The following BTAF1 variants were observed in gnomAD, a reference collection of about 807,000 sequenced individuals.
The protein encoded by BTAF1 is B-TFIID TATA-box binding protein associated factor 1.
In BTAF1, 38 loss-of-function variants were observed where a neutral mutation model predicts 227.1. The ratio of observed to expected loss-of-function variants is 0.17; its 90% CI spans 0.13 to 0.22. The LOEUF is 0.22. BTAF1 is among the 10% of genes least tolerant of loss of function. The probability of loss-of-function intolerance (pLI) is 1.00; values close to 1 mark genes in which losing one functional copy is unlikely to be tolerated. For synonymous variants in BTAF1, 742 were observed against 751.9 expected (o/e 0.99, Z 0.21); for missense variants, 1,598 against 2,204.0 (o/e 0.73, Z 5.51).
At chr10:91,989,106 T>C in intron 19 of BTAF1, 48 bp from the exon 20 acceptor site, 1 of 1,478,376 alleles carries the variant, frequency 6.8e-7, no homozygotes, top group Non-Finnish European at 9.1e-7. Context: ...TACAGTCTAT[T>C]TGGGGTTGAT....
At position 91,950,153 on chromosome 10, in the gene BTAF1, G is replaced by C. The variant is rs796167824; in HGVS notation, c.401-1250G>C. Among the ~76,000 whole-genome samples the C allele has an allele frequency of 4.2e-3, 375 of 90,098 alleles. 10 individuals carry two copies. The highest frequency in any genetic ancestry group is 0.013 in the African/African-American group (346 of 26,888). 59.1% of individuals were successfully genotyped at this position (90,098 alleles called of 152,430 possible). Reference sequence around the variant, plus strand: ...GTGAGAGACCTTGTCCTTTGTGGGGGGGGGCGGGAAAGAAGACTAGGTTTT... The same window carrying C: ...GTGAGAGACCTTGTCCTTTGTGGGGCGGGGCGGGAAAGAAGACTAGGTTTT... On this transcript the variant is annotated intron_variant, in intron 4 of 37. Transcript: ENST00000265990.
chr10:91,952,735 AAG>A (rs749553308), intron 5 of BTAF1, among the ~76,000 whole-genome samples: 3 of 152,168 alleles, frequency 2.0e-5, no homozygotes, highest in Admixed American at 6.5e-5. Context: ...GGAGAGAAAA[AAG>A]AGAGAGTATG....
chr10:92,005,753 A>G (rs1404696363), intron 25 of BTAF1, among the ~76,000 whole-genome samples: 1 of 151,988 alleles, frequency 6.6e-6, no homozygotes, highest in Non-Finnish European at 1.5e-5. Flanking sequence ...CTACATGTTA[A>G]CATAATTAAC....
intron 35 of BTAF1, among the ~76,000 whole-genome samples, chr10:92,025,454 T>A (rs1272934837): frequency 6.7e-6 from 1 of 149,942 alleles, no homozygotes; most frequent in East Asian, 1.9e-4. Context: ...AAAAAAAAAA[T>A]GCAGATTCCT....
At chr10:91,970,555 C>T (rs991452089) in intron 14 of BTAF1, among the ~76,000 whole-genome samples, 4 of 152,138 alleles carry the variant, frequency 2.6e-5, no homozygotes, top group African/African-American at 7.2e-5. Flanking sequence ...AAGAATTATT[C>T]GCTGTCATGA....
chr10:92,010,974 TG>T, intron 28 of BTAF1, 98 bp from the exon 29 acceptor site: 1 of 845,874 alleles, frequency 1.2e-6, no homozygotes, highest in Non-Finnish European at 2.0e-6. Flanking sequence ...AAGGGAATGC[TG>T]GGCTTAGTGG....
chr10:91,968,952 G>T (rs1193142634), intron 14 of BTAF1, among the ~76,000 whole-genome samples: 2 of 151,336 alleles, frequency 1.3e-5, no homozygotes, highest in Non-Finnish European at 2.9e-5. Context: ...TCCTGAACTC[G>T]TGGGCTCAAG....
At chr10:92,001,978 ATATATAT>A in intron 25 of BTAF1, among the ~76,000 whole-genome samples, 1 of 66,312 alleles carries the variant, frequency 1.5e-5, no homozygotes, top group Non-Finnish European at 4.5e-5. Flanking sequence ...CCATATATAT[ATATATAT>A]ACACACACAC....
At chr10:91,999,876 C>T (rs1406383656) in intron 25 of BTAF1, among the ~76,000 whole-genome samples, 1 of 151,850 alleles carries the variant, frequency 6.6e-6, no homozygotes, top group East Asian at 1.9e-4. Flanking sequence ...GCAAAAGAAA[C>T]TTGGTGATAA....
At chr10:92,020,000 G>A (rs1438148379) in intron 34 of BTAF1, among the ~76,000 whole-genome samples, 1 of 151,398 alleles carries the variant, frequency 6.6e-6, no homozygotes, top group Non-Finnish European at 1.5e-5. Flanking sequence ...GGGATTATAG[G>A]CATGAGCTAC....
chr10:91,987,874 A>G (rs899687325), intron 19 of BTAF1, among the ~76,000 whole-genome samples: 1 of 152,000 alleles, frequency 6.6e-6, no homozygotes, highest in Non-Finnish European at 1.5e-5. Context: ...CCGAGCTTCT[A>G]TTTCCTTTGC....
chr10:91,940,404 T>A (rs75654541), intron 3 of BTAF1, among the ~76,000 whole-genome samples: 3,950 of 152,172 alleles, frequency 0.026, 64 homozygotes, highest in Middle Eastern at 0.058. Flanking sequence ...TTCTTGTTGC[T>A]GGGAGAATAG....
chr10:91,983,458 G>A (rs1800407857), intron 18 of BTAF1, among the ~76,000 whole-genome samples: 1 of 152,212 alleles, frequency 6.6e-6, no homozygotes, highest in Non-Finnish European at 1.5e-5. Context: ...ATTGAGCCAT[G>A]CTCCATTGCA....
intron 37 of BTAF1, among the ~76,000 whole-genome samples, chr10:92,027,844 A>G (rs1426004309): frequency 6.6e-6 from 1 of 152,180 alleles, no homozygotes; most frequent in Non-Finnish European, 1.5e-5. Flanking sequence ...TAAAACCAAT[A>G]TAGTTGGATT....
chr10:91,950,249 G>A (rs1176148019), intron 4 of BTAF1, among the ~76,000 whole-genome samples: 5 of 151,912 alleles, frequency 3.3e-5, no homozygotes, highest in African/African-American at 1.2e-4. Context: ...ACAAAAAGGG[G>A]AAACTTTTGT....
chr10:92,019,021 CTG>C, intron 34 of BTAF1, 86 bp downstream of exon 34: 5 of 1,263,628 alleles, frequency 4.0e-6, no homozygotes, highest in African/African-American at 3.0e-5. Context: ...AAGATTACTA[CTG>C]TGTTTACCAT....
At chr10:91,954,625 G>A (rs183416205) in intron 6 of BTAF1, among the ~76,000 whole-genome samples, 65 of 151,666 alleles carry the variant, frequency 4.3e-4, no homozygotes, top group East Asian at 2.1e-3. Context: ...TGGCTCGATC[G>A]TAGCTCACTA....
intron 1 of BTAF1, 119 bp from the exon 2 acceptor site, chr10:91,935,538 G>C (rs1305859369): frequency 3.8e-6 from 4 of 1,046,730 alleles, no homozygotes; most frequent in Non-Finnish European, 5.3e-6. Flanking sequence ...TCTTTCCGGG[G>C]CTCATTTATG....
chr10:91,932,772 T>C (rs1844357222), intron 1 of BTAF1, among the ~76,000 whole-genome samples: 1 of 152,252 alleles, frequency 6.6e-6, no homozygotes. Context: ...AGCTGAATCC[T>C]GTTGGATGGG....
Sources: allele counts gnomAD v4.1 joint callset (sites outside exome capture counted in the v4.1 genomes callset), GRCh38; gene constraint gnomAD v4.1.1; transcripts MANE v1.5; gene names NCBI Gene and HGNC (gene_info 2026-07-23, HGNC 2026-07-21).